The following CD55 variants were observed in gnomAD, a reference collection of about 807,000 sequenced individuals.
CD55 encodes CD55 molecule (Cromer blood group), also known as complement decay-accelerating factor.
A neutral mutation model predicts 45.8 loss-of-function variants in CD55; 41 were observed. The observed-to-expected ratio is 0.90, with a 90% CI of 0.70 to 1.16. CD55 has a LOEUF of 1.16. Ranked by LOEUF, CD55 falls within the 50% of genes most tolerant of loss-of-function variation. CD55 has a pLI of 0.00. For missense variants in CD55, 416 were observed against 469.8 expected, an observed-to-expected ratio of 0.89 and a Z score of 1.06; for synonymous variants, 181 against 181.1, an observed-to-expected ratio of 1.00 and a Z score of 0.01.
At chr1:207,327,774 C>T (rs868110268) in intron 5 of CD55, among the ~76,000 whole-genome samples, 3 of 152,136 alleles carry the variant, frequency 2.0e-5, no homozygotes, top group South Asian at 2.1e-4. Context: ...TCAACTGACA[C>T]GAAGACAAAT....
At chr1:207,335,606 A>T (rs1019686309) in intron 6 of CD55, among the ~76,000 whole-genome samples, 10 of 152,178 alleles carry the variant, frequency 6.6e-5, no homozygotes, top group Non-Finnish European at 1.0e-4. Context: ...AAAGTTCATA[A>T]AAAAACTTTA....
In CD55 at chr1:207,331,174, G is replaced by A. The variant is rs1225668426; in HGVS notation, c.731G>A (p.Gly244Glu). 6.2e-7 allele frequency: 1 copy of A among 1,613,344 alleles called. No individual in the cohort carries two copies. The highest frequency in any genetic ancestry group is 1.1e-5 in the South Asian group (1 of 91,058). ...ATTCAAGGGGAACGTGACCATTATG[G>A]ATATAGACAGTCTGTAACGTATGCA... ...GIIQGERDHYGYRQSVTYACN... is the reference protein window; with the variant it reads ...GIIQGERDHYEYRQSVTYACN... The change falls in exon 6 of 10, where the codon GGA becomes GAA. Residue 244 changes from glycine (G) to glutamate (E), a missense_variant. Gly to Glu is a moderately conservative substitution (Grantham distance 98). Coordinates refer to ENST00000367064, the MANE Select transcript of CD55 (RefSeq NM_000574.5).
Position 207,331,186 on chromosome 1 carries a change from C to G in CD55, c.743C>G (p.Ser248Cys). 2 of 1,612,832 alleles carry G rather than the reference C, an allele frequency of 1.2e-6. No individual in the cohort carries two copies. Among genetic ancestry groups the G allele is most frequent in the Middle Eastern group, 1.7e-4 (1 of 6,056 alleles). ...GERDHYGYRQ[S>C]VTYACNKGFT... ...CGTGACCATTATGGATATAGACAGT[C>G]TGTAACGTATGCATGTAATAAAGGA... The change falls in exon 6 of 10, where the codon TCT becomes TGT. Residue 248 changes from serine (S) to cysteine (C), a missense_variant. Ser to Cys is a moderately radical substitution (Grantham distance 112, BLOSUM62 -1). This residue lies in a region of CD55 where 182 missense variants were observed against 201.4 expected (regional missense o/e 0.90). Transcript: ENST00000367064.
chr1:207,327,935 G>A (rs1031495771), intron 5 of CD55, among the ~76,000 whole-genome samples: 2 of 151,588 alleles, frequency 1.3e-5, no homozygotes, highest in Non-Finnish European at 2.9e-5. Context: ...TCCCATTTTC[G>A]TTGTCCAGTA....
Position 207,340,815 on chromosome 1 carries a change from T to C in CD55, c.1081+1398T>C, listed in dbSNP as rs1438572085. ...TTTCCTTTGGATAAATACCCAGTAG[T>C]GGGATTGCTGGATCCTAAGATAGTT... On this transcript the variant is annotated intron_variant, in intron 9 of 9. Transcript: ENST00000367064. 1.9e-5 allele frequency: 8 copies of C among 427,632 alleles called. No individual in the cohort carries two copies. In the East Asian group the frequency reaches 2.2e-4, roughly 12 times the overall value. The allele number at this position is 427,632 out of a possible 1,614,324, so 26.5% of individuals were successfully genotyped here.
At chr1:207,334,926 C>T (rs1426378499) in intron 6 of CD55, among the ~76,000 whole-genome samples, 2 of 151,850 alleles carry the variant, frequency 1.3e-5, no homozygotes, top group East Asian at 3.9e-4. Flanking sequence ...TTACAAGAGA[C>T]ACAGTTTAAT....
At chr1:207,336,107 T>A (rs1365967289) in intron 6 of CD55, among the ~76,000 whole-genome samples, 1 of 152,184 alleles carries the variant, frequency 6.6e-6, no homozygotes, top group African/African-American at 2.4e-5. Context: ...GAATATGTTC[T>A]TAATGAAAGT....
At chr1:207,330,715 G>T (rs148617659) in intron 5 of CD55, among the ~76,000 whole-genome samples, 5 of 152,248 alleles carry the variant, frequency 3.3e-5, no homozygotes, top group African/African-American at 1.2e-4. Flanking sequence ...GTACATATTA[G>T]GTTTAAACTC....
At position 207,336,722 on chromosome 1, in the gene CD55, A is replaced by G. The variant is rs779822800; in HGVS notation, c.883A>G (p.Thr295Ala). 1.1e-5 allele frequency: 17 copies of G among 1,613,800 alleles called. No individual in the cohort carries two copies. Among genetic ancestry groups the G allele is most frequent in the Non-Finnish European group, 1.4e-5 (16 of 1,179,874 alleles). ...ATCTCTAACTTCCAAGGTCCCACCAACAGTTCAGAAACCTACCACAGTAAA... is the reference window on the plus strand; with the variant it reads ...ATCTCTAACTTCCAAGGTCCCACCAGCAGTTCAGAAACCTACCACAGTAAA... Reference protein sequence around the residue: ...GKSLTSKVPPTVQKPTTVNVP... With the variant: ...GKSLTSKVPPAVQKPTTVNVP... The change falls in exon 7 of 10, where the codon ACA becomes GCA. Residue 295 changes from threonine (T) to alanine (A), a missense_variant. Transcript: ENST00000367064.
intron 9 of CD55, among the ~76,000 whole-genome samples, chr1:207,341,810 G>A (rs1380532829): frequency 6.6e-6 from 1 of 151,682 alleles, no homozygotes; most frequent in African/African-American, 2.4e-5. Context: ...GATAGGGGTT[G>A]TACTGAATCT....
intron 8 of CD55, among the ~76,000 whole-genome samples, chr1:207,338,496 TTC>T (rs1398105485): frequency 6.6e-6 from 1 of 152,174 alleles, no homozygotes; most frequent in African/African-American, 2.4e-5. Flanking sequence ...ACATATTTCC[TTC>T]TGTAAAAAGT....
Position 207,347,922 on chromosome 1 carries a change from CTA to C in CD55, c.1081+8507_1081+8508del, listed in dbSNP as rs1159762690. On this transcript the variant is annotated intron_variant, in intron 9 of 9. Transcript: ENST00000367064. ...GCAAAGGACATGATTTCATTCCTTT[CTA>C]TGTTTGTGTAATATCCCGTGGTGTA... Among the ~76,000 whole-genome samples, 4 of 152,270 alleles carry C rather than the reference CTA, an allele frequency of 2.6e-5. No homozygotes were observed. The East Asian group carries it at 7.7e-4, about 29-fold the overall frequency.
At chr1:207,325,334 CA>C (rs59606883) in intron 3 of CD55, among the ~76,000 whole-genome samples, 46,380 of 115,298 alleles carry the variant, frequency 0.4, 8,007 homozygotes, top group Middle Eastern at 0.53. Flanking sequence ...AACTCCATCT[CA>C]AAAAAAAAAA....
At chr1:207,328,666 C>A (rs922708783) in intron 5 of CD55, among the ~76,000 whole-genome samples, 1 of 152,176 alleles carries the variant, frequency 6.6e-6, no homozygotes, top group Non-Finnish European at 1.5e-5. Flanking sequence ...ATCTGCTAAC[C>A]TAGAATCAAT....
chr1:207,347,355 G>A (rs1291508170), intron 9 of CD55: 2 of 374,736 alleles, frequency 5.3e-6, no homozygotes, highest in Non-Finnish European at 1.1e-5. Context: ...TGCCTCCCGG[G>A]TTCACGCCAT....
intron 3 of CD55, 51 bp from the exon 4 acceptor site, chr1:207,325,571 G>T: frequency 2.7e-6 from 3 of 1,120,354 alleles, no homozygotes; most frequent in Non-Finnish European, 2.7e-6. Context: ...CCTTCTTTGT[G>T]TGTATGCCTG....
chr1:207,328,143 A>G (rs367657680), intron 5 of CD55, among the ~76,000 whole-genome samples: 1 of 152,164 alleles, frequency 6.6e-6, no homozygotes, highest in South Asian at 2.1e-4. Context: ...TTGCACATCT[A>G]GGCCACAGCC....
At chr1:207,345,373 A>G (rs1294220853) in intron 9 of CD55, among the ~76,000 whole-genome samples, 1 of 152,078 alleles carries the variant, frequency 6.6e-6, no homozygotes, top group Admixed American at 6.6e-5. Flanking sequence ...CATCAAGTAT[A>G]TTATGTATTT....
Position 207,339,423 on chromosome 1 carries a change from T to A in CD55, c.1081+6T>A. Reference sequence around the variant, plus strand: ...TACTACCCGTCTTCTATCTGGTAAGTTTGGCTCTCAGGCCATTAAAAGAAA... The same window carrying A: ...TACTACCCGTCTTCTATCTGGTAAGATTGGCTCTCAGGCCATTAAAAGAAA... On this transcript the variant is annotated splice_donor_region_variant and intron_variant, in intron 9 of 9. Coordinates refer to ENST00000367064, the MANE Select transcript of CD55 (RefSeq NM_000574.5). The A allele has an allele frequency of 6.2e-7, 1 of 1,606,042 alleles. No individual in the cohort carries two copies. Among genetic ancestry groups the A allele is most frequent in the Non-Finnish European group, 8.5e-7 (1 of 1,176,018 alleles).
Sources: gnomAD v4.1 joint callset for allele counts (sites outside exome capture counted in the v4.1 genomes callset) on GRCh38, gnomAD v4.1.1 for gene constraint, gnomAD v4.1.1 regional missense constraint, MANE v1.5 for transcripts, NCBI Gene and HGNC (gene_info 2026-07-23, HGNC 2026-07-21) for gene names.